Variants in SYT12 observed in about 807,000 individuals in gnomAD.
SYT12 encodes the protein synaptotagmin-12.
A neutral mutation model predicts 39.5 loss-of-function variants in SYT12; 27 were observed. The observed-to-expected ratio is 0.68, with a 90% CI of 0.50 to 0.94. SYT12 has a LOEUF of 0.94. SYT12 is among the 40% of genes least tolerant of loss of function. The pLI is 0.00. For missense variants in SYT12, 536 were observed against 572.6 expected, an observed-to-expected ratio of 0.94 and a Z score of 0.65; for synonymous variants, 233 against 239.7, an observed-to-expected ratio of 0.97 and a Z score of 0.26.
Position 67,040,097 on chromosome 11 carries a change from C to T in SYT12, c.515C>T (p.Ala172Val), listed in dbSNP as rs776011847. The change falls in exon 4 of 8, where the codon GCG becomes GTG. Residue 172 changes from alanine to valine, a missense_variant. Transcript: ENST00000527043. ...ACTGCCTCCCACACGCTGAACGTGGCGGTGATGCAGGGCAAGGACCTCCTG... is the reference window on the plus strand; with the variant it reads ...ACTGCCTCCCACACGCTGAACGTGGTGGTGATGCAGGGCAAGGACCTCCTG... ...YDTASHTLNV[A>V]VMQGKDLLER... 55 of 1,613,580 alleles carry T rather than the reference C, an allele frequency of 3.4e-5. No individual in the cohort carries two copies. Among genetic ancestry groups the T allele is most frequent in the Admixed American group, 6.7e-5 (4 of 60,000 alleles).
At chr11:67,026,279 T>C (rs1394023201) in intron 1 of SYT12, among the ~76,000 whole-genome samples, 1 of 151,994 alleles carries the variant, frequency 6.6e-6, no homozygotes, top group African/African-American at 2.4e-5. Context: ...TTCTTTTCTT[T>C]CTTTTTTTTT....
At chr11:67,013,205 A>T (rs1012209539) in intron 3 of SYT12, among the ~76,000 whole-genome samples, 50 of 152,168 alleles carry the variant, frequency 3.3e-4, no homozygotes, top group Non-Finnish European at 5.4e-4. Context: ...AACATAACTT[A>T]GTTGGGGCTA....
Position 67,048,900 on chromosome 11 carries a change from C to A in SYT12, c.*143C>A. The A allele has an allele frequency of 1.0e-6, 1 of 974,696 alleles. No homozygotes were observed. Among genetic ancestry groups the A allele is most frequent in the Non-Finnish European group, 1.5e-6 (1 of 671,660 alleles). 60.4% of individuals were successfully genotyped at this position (974,696 alleles called of 1,614,324 possible). A position where few individuals can be genotyped will look rare whatever the true frequency, so the allele number is the denominator to read the frequency against. ...GTCCTCATGACCCATCCTGGTCTCT[C>A]TGTCCAGATTGCAGCAGAGGAGTGG... is the stretch of plus-strand genomic sequence containing the variant. On this transcript the variant is annotated 3_prime_UTR_variant, in exon 8 of 8. Transcript: ENST00000527043.
Position 67,049,015 on chromosome 11 carries a change from C to T in SYT12, c.*258C>T. On this transcript the variant is annotated 3_prime_UTR_variant, in exon 8 of 8. Coordinates refer to ENST00000527043, the MANE Select transcript of SYT12 (RefSeq NM_177963.4). ...GACAGAGGACTCAACCCTGCTCCTC[C>T]CGGTAGGCCAGCTGCCGAGCTGGGC... The T allele has an allele frequency of 2.5e-6, 1 of 397,934 alleles. No homozygotes were observed. The highest frequency in any genetic ancestry group is 3.7e-5 in the Admixed American group (1 of 27,094). The allele number at this position is 397,934 out of a possible 1,614,324, so 24.7% of individuals were successfully genotyped here.
At chr11:67,036,029 C>T (rs1286112783) in intron 3 of SYT12, among the ~76,000 whole-genome samples, 4 of 151,616 alleles carry the variant, frequency 2.6e-5, no homozygotes, top group African/African-American at 9.7e-5. Flanking sequence ...ATCCTCCCAC[C>T]TCAGCCTCCT....
chr11:67,043,582 C>T (rs1950554679), intron 4 of SYT12, 56 bp from the exon 5 acceptor site: 1 of 1,555,922 alleles, frequency 6.4e-7, no homozygotes, highest in Non-Finnish European at 8.8e-7. Flanking sequence ...CCAGTGCTGT[C>T]TCCCTGCTGT....
rs781558393 is a variant in SYT12 at position 67,045,749 on chromosome 11, T to G, written c.964T>G (p.Phe322Val). 1.9e-6 allele frequency: 3 copies of G among 1,613,682 alleles called. No homozygotes were observed. The highest frequency in any genetic ancestry group is 2.5e-6 in the Non-Finnish European group (3 of 1,179,888). ...WTNDKTTADP[F>V]VKVYLLQDGR... The stretch of plus-strand genomic sequence containing the variant: ...ACCTGTCCGCCTGCCCACAGACCCC[T>G]TCGTCAAGGTGTACCTGCTGCAGGA... The change falls in exon 7 of 8, where the codon TTC becomes GTC. Residue 322 changes from phenylalanine (F) to valine (V), a missense_variant. By Grantham distance (50) the Phe-to-Val change is conservative. Transcript: ENST00000527043.
chr11:67,015,645 AAG>A (rs1950052079), intron 3 of SYT12, among the ~76,000 whole-genome samples: 1 of 152,182 alleles, frequency 6.6e-6, no homozygotes, highest in South Asian at 2.1e-4. Context: ...CCTTAGCAAT[AAG>A]AGTTAGAAAC....
chr11:67,011,073 C>T (rs557450017), intron 3 of SYT12: 93 of 152,272 alleles, frequency 6.1e-4, no homozygotes, highest in African/African-American at 2.2e-3. Flanking sequence ...TCAATATTAA[C>T]TTTAGCTAGG....
intron 3 of SYT12, among the ~76,000 whole-genome samples, chr11:67,015,317 T>C (rs1224927796): frequency 6.6e-6 from 1 of 152,254 alleles, no homozygotes; most frequent in African/African-American, 2.4e-5. Context: ...CTGCCACCCC[T>C]GCTGGCCTCA....
At chr11:67,009,971 T>C (rs1490395063) in exon 2 of SYT12, 1 of 152,278 alleles carries the variant, frequency 6.6e-6, no homozygotes, top group African/African-American at 2.4e-5. Context: ...ATAGAAGGCA[T>C]TCCAGGCAAA....
intron 3 of SYT12, among the ~76,000 whole-genome samples, chr11:67,035,831 TTCCTTC>T (rs1435060393): frequency 8.9e-5 from 9 of 101,330 alleles, no homozygotes; most frequent in African/African-American, 3.7e-4. Flanking sequence ...CCTTCCTTCC[TTCCTTC>T]CTTTCTTTCT....
At chr11:67,046,960 T>G (rs1854571672) in intron 7 of SYT12, among the ~76,000 whole-genome samples, 1 of 152,120 alleles carries the variant, frequency 6.6e-6, no homozygotes, top group African/African-American at 2.4e-5. Flanking sequence ...CCCTATGAGA[T>G]AGAAACCAAT....
chr11:67,014,636 G>C (rs970468369), intron 3 of SYT12, among the ~76,000 whole-genome samples: 5 of 152,224 alleles, frequency 3.3e-5, no homozygotes, highest in Non-Finnish European at 7.3e-5. Context: ...AAGGGGCTGA[G>C]GGATCACAGT....
chr11:67,039,563 G>A (rs113815928), intron 3 of SYT12, among the ~76,000 whole-genome samples: 3 of 152,200 alleles, frequency 2.0e-5, no homozygotes, highest in African/African-American at 4.8e-5. Flanking sequence ...GCAGTGAGCC[G>A]AGATCACGCC....
chr11:67,030,458 T>C, intron 2 of SYT12: 1 of 421,880 alleles, frequency 2.4e-6, no homozygotes, highest in Non-Finnish European at 4.3e-6. Flanking sequence ...ACCCTCATCC[T>C]GCTGCACCCT....
intron 1 of SYT12, among the ~76,000 whole-genome samples, chr11:67,023,849 G>C (rs1408769128): frequency 6.6e-6 from 1 of 152,196 alleles, no homozygotes; most frequent in Admixed American, 6.5e-5. Flanking sequence ...ATACACCCTG[G>C]AGGTTCCCGA....
At position 67,048,855 on chromosome 11, in the gene SYT12, C is replaced by T; in HGVS notation, c.*98C>T. 1 of 1,390,198 alleles carries T rather than the reference C, an allele frequency of 7.2e-7. No individual in the cohort carries two copies. The highest frequency in any genetic ancestry group is 2.1e-5 in the Admixed American group (1 of 47,994). The allele number at this position is 1,390,198 out of a possible 1,614,324, so 86.1% of individuals were successfully genotyped here. On this transcript the variant is annotated 3_prime_UTR_variant, in exon 8 of 8. Transcript: ENST00000527043. ...TCCATAGCCCAGCTGGAGCCGTGAACACTGGGGTCCCCTGGCAGAGTCCTC... is the reference window on the plus strand; with the variant it reads ...TCCATAGCCCAGCTGGAGCCGTGAATACTGGGGTCCCCTGGCAGAGTCCTC...
intron 2 of SYT12, 143 bp from the exon 3 acceptor site, chr11:67,034,502 C>A: frequency 1.5e-6 from 1 of 678,422 alleles, no homozygotes; most frequent in Non-Finnish European, 2.3e-6. Context: ...AAGTGTATGT[C>A]TTGTTCGACA....
Sources: allele counts gnomAD v4.1 joint callset (sites outside exome capture counted in the v4.1 genomes callset), GRCh38; gene constraint gnomAD v4.1.1; transcripts MANE v1.5; gene names NCBI Gene and HGNC (gene_info 2026-07-23, HGNC 2026-07-21).